STRC: variants seen among roughly 807,000 people sequenced by gnomAD.
STRC encodes the protein stereocilin.
STRC carries 43 observed loss-of-function variants against 103.5 expected under a neutral mutation model. The ratio of observed to expected loss-of-function variants is 0.42; its 90% CI spans 0.33 to 0.54. STRC has a LOEUF of 0.54. Ranked by LOEUF, STRC falls within the 20% of genes least tolerant of loss-of-function variation. STRC has a pLI of 0.14. For missense variants in STRC, 499 were observed against 1,088.5 expected (o/e 0.46, Z 7.62); for synonymous variants, 186 against 442.3 (o/e 0.42, Z 7.27).
chr15:43,600,443 C>A, intron 26 of STRC, 91 bp downstream of exon 26: 1 of 1,596,912 alleles, frequency 6.3e-7, no homozygotes. Flanking sequence ...CTCAGGCCCC[C>A]ACCTTAAGAA....
chr15:43,607,968 C>T lies in STRC; in HGVS notation c.3689G>A (p.Cys1230Tyr), dbSNP rs763459281. 1 of 1,610,438 alleles carries T rather than the reference C, an allele frequency of 6.2e-7. No homozygotes were observed. The highest frequency in any genetic ancestry group is 1.4e-5 in the African/African-American group (1 of 72,486). Residue 1230 changes from cysteine to tyrosine, a missense_variant, in exon 18 of 29, where the codon TGT (cysteine) becomes TAT (tyrosine). Coordinates refer to ENST00000450892, the MANE Select transcript of STRC (RefSeq NM_153700.2). Reference protein sequence around the residue: ...PTRVRGSLRACIWAELQRRMA... With the variant: ...PTRVRGSLRAYIWAELQRRMA... ...CCTCCGCTGTAGCTCTGCCCAGATACAGGCCCTCTGTAGGGAAGCAGTGTG... is the reference window on the plus strand; with the variant it reads ...CCTCCGCTGTAGCTCTGCCCAGATATAGGCCCTCTGTAGGGAAGCAGTGTG...
At chr15:43,609,205 G>T in intron 16 of STRC, 71 bp downstream of exon 16, 1 of 1,466,340 alleles carries the variant, frequency 6.8e-7, no homozygotes, top group South Asian at 1.1e-5. Flanking sequence ...ATCACATGGT[G>T]CCTGGCACAT....
At chr15:43,603,558 A>G (rs1194750487) in intron 22 of STRC, 147 bp from the exon 23 acceptor site, 16 of 899,742 alleles carry the variant, frequency 1.8e-5, no homozygotes, top group Non-Finnish European at 2.7e-5. Flanking sequence ...AGTAATATGT[A>G]TAGGGCTTAG....
chr15:43,601,430 G>T lies in STRC; in HGVS notation c.4667C>A (p.Thr1556Asn). The change falls in exon 24 of 29, where the codon ACC becomes AAC. Residue 1556 changes from threonine (T) to asparagine (N), a missense_variant. Transcript: ENST00000450892. ...GCTCCAGCCATCTATCTGCCCCAGG[G>T]TGCTCAGCACTCCCCAGTCCACTAG... ...LILVDWGVLS[T>N]LGQIDGWSTT... is the part of the protein sequence containing the mutation. 1 of 1,613,764 alleles carries T rather than the reference G, an allele frequency of 6.2e-7. No homozygotes were observed. The highest frequency in any genetic ancestry group is 8.5e-7 in the Non-Finnish European group (1 of 1,179,842).
In STRC at chr15:43,601,317, CT is replaced by C. The variant is rs778172214; in HGVS notation, c.4701+78del. ...AGGTAGGGTCACAGGAAAAAAATTC[CT>C]TGGGCTTTAGATGATCTATAGGGCT... is the stretch of plus-strand genomic sequence containing the variant. On this transcript the variant is annotated intron_variant, in intron 24 of 28. Transcript: ENST00000450892. 1,218 of 1,601,676 alleles carry C rather than the reference CT, an allele frequency of 7.6e-4. 19 individuals carry two copies. The highest frequency in any genetic ancestry group is 1.3e-3 in the South Asian group (114 of 90,482).
intron 23 of STRC, among the ~76,000 whole-genome samples, chr15:43,603,011 C>T (rs778059728): frequency 8.6e-5 from 13 of 151,844 alleles, no homozygotes; most frequent in Non-Finnish European, 1.6e-4. Flanking sequence ...CCTTGATGAT[C>T]GTGATATGCA....
intron 22 of STRC, 155 bp from the exon 23 acceptor site, chr15:43,603,566 T>G (rs1310612028): frequency 7.3e-6 from 6 of 821,710 alleles, no homozygotes; most frequent in Admixed American, 4.0e-5. Context: ...GTATAGGGCT[T>G]AGGAGATAAT....
Position 43,608,070 on chromosome 15 carries a change from C to T in STRC, c.3681+10G>A. On this transcript the variant is annotated intron_variant, in intron 17 of 28. Coordinates refer to ENST00000450892, the MANE Select transcript of STRC (RefSeq NM_153700.2). ...CCTGCTCCCACTAAAGTCCAGGCAC[C>T]CCCTCTCACCAGGCTCCCTCGAACT... 1 of 1,610,664 alleles carries T rather than the reference C, an allele frequency of 6.2e-7. No individual in the cohort carries two copies. Among genetic ancestry groups the T allele is most frequent in the Non-Finnish European group, 8.5e-7 (1 of 1,179,454 alleles).
At position 43,600,071 on chromosome 15, in the gene STRC, T is replaced by G. The variant is rs1421553741; in HGVS notation, c.5128A>C (p.Ser1710Arg). 1 of 1,612,990 alleles carries G rather than the reference T, an allele frequency of 6.2e-7. No individual in the cohort carries two copies. Among genetic ancestry groups the G allele is most frequent in the Non-Finnish European group, 8.5e-7 (1 of 1,179,560 alleles). Residue 1710 changes from serine (S) to arginine (R), a missense_variant, in exon 28 of 29, where the codon AGT (serine) becomes CGT (arginine). Ser to Arg is a moderately radical substitution (Grantham distance 110). Transcript: ENST00000450892. The stretch of plus-strand genomic sequence containing the variant: ...GGAGTGACAGCCACAGCCTGAGCAC[T>G]GGTGAGACTAGATAGTTGGATGGGA... ...FSPIQLSSLT[S>R]AQAVAVTPEQ... is the part of the protein sequence containing the mutation.
At position 43,605,408 on chromosome 15, in the gene STRC, G is replaced by A; in HGVS notation, c.3795-9C>T. 2 of 1,599,222 alleles carry A rather than the reference G, an allele frequency of 1.3e-6. No homozygotes were observed. Among genetic ancestry groups the A allele is most frequent in the Non-Finnish European group, 8.5e-7 (1 of 1,171,526 alleles). ...TGTCCATCAACTGGATCCTATTACA[G>A]CAATTTGACAACAACAGGATTCAGG... On this transcript the variant is annotated splice_polypyrimidine_tract_variant and intron_variant, in intron 18 of 28. Transcript: ENST00000450892.
intron 22 of STRC, 99 bp from the exon 23 acceptor site, chr15:43,603,510 G>C: frequency 7.8e-7 from 1 of 1,274,042 alleles, no homozygotes; most frequent in South Asian, 1.2e-5. Context: ...TTGGAGGATA[G>C]AGCACTGTGA....
Position 43,600,644 on chromosome 15 carries a change from C to T in STRC, c.4883G>A (p.Cys1628Tyr). 2 of 1,613,712 alleles carry T rather than the reference C, an allele frequency of 1.2e-6. No individual in the cohort carries two copies. Among genetic ancestry groups the T allele is most frequent in the Non-Finnish European group, 1.7e-6 (2 of 1,179,860 alleles). Reference protein sequence around the residue: ...ALFLGTLHLQCSEEQLEVLAH... With the variant: ...ALFLGTLHLQYSEEQLEVLAH... Reference sequence around the variant, plus strand: ...CAGAACCTCCAGTTGTTCCTCAGAGCACTGGAGATGCAGGGTGCCGAGGAA... The same window carrying T: ...CAGAACCTCCAGTTGTTCCTCAGAGTACTGGAGATGCAGGGTGCCGAGGAA... The change falls in exon 26 of 29, where the codon TGC (cysteine) becomes TAC (tyrosine). Residue 1628 changes from cysteine (C) to tyrosine (Y), a missense_variant. Transcript: ENST00000450892.
intron 22 of STRC, 132 bp from the exon 23 acceptor site, chr15:43,603,543 TAC>T (rs1199259210): frequency 1.0e-6 from 1 of 1,001,008 alleles, no homozygotes; most frequent in Non-Finnish European, 1.6e-6. Context: ...AAAGGAGTAT[TAC>T]AGAGTAATAT....
At chr15:43,601,062 A>G (rs1176946607) in intron 24 of STRC, 48 bp from the exon 25 acceptor site, 1 of 1,296,034 alleles carries the variant, frequency 7.7e-7, no homozygotes, top group South Asian at 1.2e-5. Context: ...GTTATGGAGA[A>G]TTAATGGACA....
chr15:43,609,248 A>G lies in STRC; in HGVS notation c.3557+28T>C, dbSNP rs768792602. ...ACTCAAAAAAATGTTGGTCGAATTCAGCGCACTGCTCAACACAAGTTACTC... is the reference window on the plus strand; with the variant it reads ...ACTCAAAAAAATGTTGGTCGAATTCGGCGCACTGCTCAACACAAGTTACTC... On this transcript the variant is annotated intron_variant, in intron 16 of 28. Coordinates refer to ENST00000450892, the MANE Select transcript of STRC (RefSeq NM_153700.2). 8.7e-6 allele frequency: 14 copies of G among 1,607,846 alleles called. 1 individual carries two copies. Among genetic ancestry groups the G allele is most frequent in the Non-Finnish European group, 1.1e-5 (13 of 1,177,318 alleles).
intron 24 of STRC, 135 bp downstream of exon 24, chr15:43,601,260 TG>T (rs2085665192): frequency 1.5e-6 from 2 of 1,354,426 alleles, no homozygotes; most frequent in East Asian, 2.4e-5. Context: ...GTCACTAGTA[TG>T]GGGTATCAAC....
chr15:43,602,672 T>A (rs1489324878), intron 23 of STRC: 1 of 121,226 alleles, frequency 8.2e-6, no homozygotes, highest in Non-Finnish European at 1.6e-5. Context: ...TGAGATGGAG[T>A]CTTGCTCTGT....
At chr15:43,605,077 G>T in intron 19 of STRC, 187 bp downstream of exon 19, 7 of 1,062,152 alleles carry the variant, frequency 6.6e-6, no homozygotes, top group Non-Finnish European at 8.3e-6. Flanking sequence ...GTATGGACAA[G>T]TAACGTGAAG....
At chr15:43,610,044 A>T (rs2085737047) in intron 15 of STRC, 1 of 337,564 alleles carries the variant, frequency 3.0e-6, no homozygotes, top group Non-Finnish European at 5.7e-6. Context: ...AAAAAAATTT[A>T]AAAATTAGCC....
Sources: allele counts gnomAD v4.1 joint callset (sites outside exome capture counted in the v4.1 genomes callset), GRCh38; gene constraint gnomAD v4.1.1; transcripts MANE v1.5; gene names NCBI Gene and HGNC (gene_info 2026-07-23, HGNC 2026-07-21).